The following HSD17B11 variants were observed in gnomAD, a reference collection of about 807,000 sequenced individuals.
HSD17B11 encodes hydroxysteroid 17-beta dehydrogenase 11.
A neutral mutation model predicts 27.8 loss-of-function variants in HSD17B11; 22 were observed. That is an observed-to-expected ratio of 0.79 (90% confidence interval 0.56 to 1.13). HSD17B11 has a LOEUF of 1.13. HSD17B11 is among the 50% of genes most tolerant of loss of function. The probability of loss-of-function intolerance (pLI) is 0.00; values close to 1 mark genes in which losing one functional copy is unlikely to be tolerated. For missense variants in HSD17B11, 314 were observed against 351.1 expected (o/e 0.89, Z 0.84); for synonymous variants, 117 against 132.8 (o/e 0.88, Z 0.82).
chr4:87,387,341 C>G (rs1448398016), intron 1 of HSD17B11, among the ~76,000 whole-genome samples: 1 of 152,190 alleles, frequency 6.6e-6, no homozygotes, highest in Admixed American at 6.5e-5. Flanking sequence ...CACTGCTGTC[C>G]TCATTACATG....
At chr4:87,388,178 A>AAAC (rs1553960932) in intron 1 of HSD17B11, among the ~76,000 whole-genome samples, 1 of 151,678 alleles carries the variant, frequency 6.6e-6, no homozygotes, top group East Asian at 1.9e-4. Context: ...AAAAAAAAAA[A>AAAC]AACAATCTAG....
chr4:87,363,120 G>GA (rs886442562), intron 4 of HSD17B11, among the ~76,000 whole-genome samples: 6 of 151,036 alleles, frequency 4.0e-5, no homozygotes, highest in East Asian at 1.9e-4. Flanking sequence ...TGGTCAAAAT[G>GA]AAAAAAAAAA....
At chr4:87,344,854 C>T (rs11097131) in intron 5 of HSD17B11, among the ~76,000 whole-genome samples, 25,982 of 152,096 alleles carry the variant, frequency 0.17, 2,393 homozygotes, top group African/African-American at 0.23. Context: ...AACTGGAAAA[C>T]TCACAAATAT....
chr4:87,388,686 C>T (rs1720379994), intron 1 of HSD17B11, among the ~76,000 whole-genome samples: 1 of 152,196 alleles, frequency 6.6e-6, no homozygotes, highest in African/African-American at 2.4e-5. Context: ...TTTTATTATA[C>T]AGTGTGGCAT....
chr4:87,347,120 T>TC (rs1735288438), intron 5 of HSD17B11, among the ~76,000 whole-genome samples: 3 of 84,500 alleles, frequency 3.6e-5, no homozygotes, highest in South Asian at 3.2e-4. Flanking sequence ...TTTTTTCTTT[T>TC]TTTTTTTTTT....
At chr4:87,380,894 A>AAAAAAAAG (rs1409164973) in intron 2 of HSD17B11, among the ~76,000 whole-genome samples, 2 of 125,492 alleles carry the variant, frequency 1.6e-5, no homozygotes, top group African/African-American at 6.2e-5. Context: ...AAAAAAAAGA[A>AAAAAAAAG]CTCAGGCCAG....
At chr4:87,342,462 T>TTTGG (rs58206830) in intron 5 of HSD17B11, among the ~76,000 whole-genome samples, 8,315 of 150,054 alleles carry the variant, frequency 0.055, 735 homozygotes, top group African/African-American at 0.19. Context: ...ATCTTAGCAA[T>TTTGG]TTGGGAGGGT....
chr4:87,347,116 C>CTTTTTTTTTTTTTTTTTTT (rs70957224), intron 5 of HSD17B11, among the ~76,000 whole-genome samples: 4 of 44,290 alleles, frequency 9.0e-5, no homozygotes, highest in Admixed American at 5.4e-4. Context: ...TTTTTTTTTT[C>CTTTTTTTTTTTTTTTTTTT]TTTTTTTTTT....
intron 2 of HSD17B11, among the ~76,000 whole-genome samples, chr4:87,380,491 AAAAAG>A (rs1012669955): frequency 2.7e-5 from 4 of 150,586 alleles, no homozygotes; most frequent in Admixed American, 1.3e-4. Context: ...AAAAAAAAGA[AAAAAG>A]AAAAGAAAAG....
intron 2 of HSD17B11, among the ~76,000 whole-genome samples, chr4:87,380,458 G>A (rs1312490715): frequency 8.6e-6 from 1 of 115,954 alleles, no homozygotes; most frequent in Non-Finnish European, 1.7e-5. Context: ...GGGCAACAGA[G>A]CAAGACTGTC....
At chr4:87,364,293 A>G (rs1426200886) in intron 4 of HSD17B11, among the ~76,000 whole-genome samples, 1 of 151,864 alleles carries the variant, frequency 6.6e-6, no homozygotes, top group African/African-American at 2.4e-5. Flanking sequence ...AAAAGAAAAA[A>G]AACCCCTCTG....
intron 5 of HSD17B11, among the ~76,000 whole-genome samples, chr4:87,354,294 G>A (rs941158581): frequency 3.3e-5 from 5 of 151,808 alleles, no homozygotes; most frequent in Middle Eastern, 3.4e-3. Context: ...ATGAAACTCC[G>A]TCTCCACTAA....
chr4:87,378,948 T>TATATA (rs1560769667), intron 2 of HSD17B11, among the ~76,000 whole-genome samples: 9 of 15,852 alleles, frequency 5.7e-4, no homozygotes, highest in African/African-American at 3.0e-3. Context: ...ATATATATAT[T>TATATA]TATATATATA....
At chr4:87,338,911 G>A (rs1268071905) in intron 6 of HSD17B11, among the ~76,000 whole-genome samples, 1 of 152,138 alleles carries the variant, frequency 6.6e-6, no homozygotes, top group Non-Finnish European at 1.5e-5. Flanking sequence ...CCATGTTACA[G>A]ATAAAGAAAC....
intron 1 of HSD17B11, among the ~76,000 whole-genome samples, chr4:87,390,214 G>A (rs1333859123): frequency 6.6e-6 from 1 of 152,240 alleles, no homozygotes; most frequent in Non-Finnish European, 1.5e-5. Context: ...GAAGTGCAGT[G>A]GCGCCATCTT....
At chr4:87,382,416 C>A in intron 1 of HSD17B11, 54 bp from the exon 2 acceptor site, 1 of 1,009,916 alleles carries the variant, frequency 9.9e-7, no homozygotes, top group Non-Finnish European at 1.5e-6. Flanking sequence ...CATATTATAT[C>A]GACAGCTGAA....
intron 4 of HSD17B11, among the ~76,000 whole-genome samples, chr4:87,371,093 C>T (rs1309141355): frequency 5.3e-5 from 8 of 152,028 alleles, no homozygotes; most frequent in Admixed American, 5.2e-4. Flanking sequence ...AAATGAAGCA[C>T]AGAGTAGAGT....
At chr4:87,364,774 C>T (rs961942277) in intron 4 of HSD17B11, among the ~76,000 whole-genome samples, 9 of 152,196 alleles carry the variant, frequency 5.9e-5, no homozygotes, top group Admixed American at 5.9e-4. Context: ...GATCTGTCTG[C>T]CTTCAGCTGC....
At position 87,357,949 on chromosome 4, in the gene HSD17B11, A is replaced by ATTTTT. The variant is rs57139706; in HGVS notation, c.558-538_558-534dup. 6.5e-3 allele frequency among the ~76,000 whole-genome samples: 518 copies of ATTTTT among 80,162 alleles called. 70 individuals carry two copies. The highest frequency in any genetic ancestry group is 0.022 in the Middle Eastern group (2 of 92). 52.6% of individuals were successfully genotyped at this position (80,162 alleles called of 152,430 possible). A position where few individuals can be genotyped will look rare whatever the true frequency, so the allele number is the denominator to read the frequency against. On this transcript the variant is annotated intron_variant, in intron 4 of 6. Transcript: ENST00000358290. ...TTGTAACTGAACATTCATTAGAGAA[A>ATTTTT]TTTTTTTTTTTTTTTTTTTTTTTTT...
Sources: gnomAD v4.1 joint callset for allele counts (sites outside exome capture counted in the v4.1 genomes callset) on GRCh38, gnomAD v4.1.1 for gene constraint, MANE v1.5 for transcripts, NCBI Gene and HGNC (gene_info 2026-07-23, HGNC 2026-07-21) for gene names.